Variants in CAST observed in about 807,000 individuals in gnomAD.
CAST encodes the protein MIR583 host.
A neutral mutation model predicts 119.6 loss-of-function variants in CAST; 76 were observed. The observed-to-expected ratio is 0.64, with a 90% CI of 0.53 to 0.77. The LOEUF (loss-of-function observed/expected upper bound fraction) is 0.77. CAST is among the 30% of genes least tolerant of loss of function. The pLI is 0.00. For synonymous variants in CAST, 319 were observed against 331.6 expected (o/e 0.96, Z 0.41); for missense variants, 953 against 946.5 (o/e 1.01, Z -0.09).
At chr5:96,003,627 A>G in the CAST span, among the ~76,000 whole-genome samples, 1 of 152,170 alleles carries the variant, frequency 6.6e-6, no homozygotes, top group African/African-American at 2.4e-5. Context: ...ACAGTAAAAA[A>G]TTACAAGTAT....
At chr5:96,740,431 G>A (rs997758473) in intron 12 of CAST, among the ~76,000 whole-genome samples, 1 of 151,742 alleles carries the variant, frequency 6.6e-6, no homozygotes, top group African/African-American at 2.4e-5. Flanking sequence ...GCTTATAGAT[G>A]GCCGTCTTCT....
chr5:96,719,148 C>T (rs141601083), intron 3 of CAST, among the ~76,000 whole-genome samples: 10 of 152,292 alleles, frequency 6.6e-5, no homozygotes, highest in African/African-American at 2.4e-4. Context: ...GAGCCCCCTT[C>T]CTCTGCCCCT....
the CAST span, among the ~76,000 whole-genome samples, chr5:96,446,671 A>G: frequency 6.6e-6 from 1 of 152,212 alleles, no homozygotes; most frequent in Non-Finnish European, 1.5e-5. Flanking sequence ...ATTGATATTC[A>G]AGATCCAGTT....
At chr5:96,731,378 G>T (rs1760441448) in intron 9 of CAST, among the ~76,000 whole-genome samples, 2 of 150,986 alleles carry the variant, frequency 1.3e-5, no homozygotes, top group Admixed American at 1.3e-4. Context: ...TTGAAGAGCT[G>T]CTTCCAATAC....
chr5:96,280,378 G>T, the CAST span, among the ~76,000 whole-genome samples: 1 of 152,156 alleles, frequency 6.6e-6, no homozygotes, highest in Non-Finnish European at 1.5e-5. Flanking sequence ...CACTTCTCAG[G>T]ACAGGTAATG....
At chr5:96,156,082 G>T in the CAST span, among the ~76,000 whole-genome samples, 1 of 152,150 alleles carries the variant, frequency 6.6e-6, no homozygotes, top group Non-Finnish European at 1.5e-5. Flanking sequence ...TTGAACGTGG[G>T]AGCCTTCCAG....
At chr5:96,661,528 G>T (rs898458675), upstream of CAST, among the ~76,000 whole-genome samples, 1 of 151,920 alleles carries the variant, frequency 6.6e-6, no homozygotes. Context: ...TGATGCTACT[G>T]CAGGGTAACA....
chr5:96,105,489 T>G, the CAST span, among the ~76,000 whole-genome samples: 2 of 152,242 alleles, frequency 1.3e-5, no homozygotes, highest in Non-Finnish European at 2.9e-5. Flanking sequence ...TCTATTGAGA[T>G]AATCATGCGG....
chr5:96,346,449 CT>C, the CAST span, among the ~76,000 whole-genome samples: 3 of 152,208 alleles, frequency 2.0e-5, no homozygotes, highest in East Asian at 5.8e-4. Flanking sequence ...TAATTGAAGC[CT>C]GTCTTAGGTC....
chr5:96,197,586 T>C, the CAST span, among the ~76,000 whole-genome samples: 1 of 152,178 alleles, frequency 6.6e-6, no homozygotes, highest in African/African-American at 2.4e-5. Context: ...TATGTTGACA[T>C]GACTGTTGAC....
the CAST span, among the ~76,000 whole-genome samples, chr5:96,328,141 C>T: frequency 5.8e-4 from 88 of 152,226 alleles, no homozygotes; most frequent in African/African-American, 1.3e-3. Context: ...TTTTCATTGA[C>T]GATTAAAGAT....
chr5:96,682,851 T>G (rs911396029), intron 2 of CAST, among the ~76,000 whole-genome samples: 7 of 152,156 alleles, frequency 4.6e-5, no homozygotes, highest in Admixed American at 4.6e-4. Flanking sequence ...AATAACTCCA[T>G]TTTTTAGCAA....
At chr5:96,420,945 C>A in the CAST span, among the ~76,000 whole-genome samples, 3,754 of 152,274 alleles carry the variant, frequency 0.025, 152 homozygotes, top group African/African-American at 0.086. Flanking sequence ...TCACTTGTAG[C>A]AACAAGCCCT....
At chr5:96,578,309 A>T (rs1328139535) in intron 1 of CAST, among the ~76,000 whole-genome samples, 2 of 150,574 alleles carry the variant, frequency 1.3e-5, no homozygotes, top group African/African-American at 2.4e-5. Context: ...CAACATACCT[A>T]TGTCACTAAA....
intron 1 of CAST, among the ~76,000 whole-genome samples, chr5:96,641,399 G>T (rs6887903): frequency 0.03 from 4,622 of 152,102 alleles, 236 homozygotes; most frequent in African/African-American, 0.11. Flanking sequence ...CTTGAAGTTT[G>T]CAGCTTTCCA....
chr5:96,170,759 A>G, the CAST span, among the ~76,000 whole-genome samples: 1 of 152,294 alleles, frequency 6.6e-6, no homozygotes, highest in African/African-American at 2.4e-5. Flanking sequence ...GAGGTTGGAT[A>G]AAGGAAAAGG....
the CAST span, among the ~76,000 whole-genome samples, chr5:96,094,011 G>C: frequency 2.0e-5 from 3 of 151,678 alleles, no homozygotes; most frequent in African/African-American, 7.3e-5. Flanking sequence ...CAGAGCCCTT[G>C]TCTTAAAGGC....
At chr5:96,170,624 C>T in the CAST span, among the ~76,000 whole-genome samples, 2 of 152,158 alleles carry the variant, frequency 1.3e-5, no homozygotes, top group African/African-American at 2.4e-5. Context: ...GAGACTAAAA[C>T]GGCCTTCTGA....
At chr5:96,075,014 A>G in the CAST span, among the ~76,000 whole-genome samples, 1 of 152,224 alleles carries the variant, frequency 6.6e-6, no homozygotes, top group Non-Finnish European at 1.5e-5. Context: ...GCATATCCCC[A>G]GGAAGTGGTC....
Sources: allele counts gnomAD v4.1 joint callset (sites outside exome capture counted in the v4.1 genomes callset), GRCh38; gene constraint gnomAD v4.1.1; transcripts MANE v1.5; gene names NCBI Gene and HGNC (gene_info 2026-07-23, HGNC 2026-07-21).